The following COL12A1 variants were observed in gnomAD, a reference collection of about 807,000 sequenced individuals.
COL12A1 encodes collagen alpha-1(XII) chain.
In COL12A1, 114 loss-of-function variants were observed where a neutral mutation model predicts 349.7. The observed-to-expected ratio is 0.33, with a 90% confidence interval of 0.28 to 0.38. The LOEUF is 0.38. COL12A1 is among the 10% of genes least tolerant of loss of function. COL12A1 has a pLI of 1.00. For missense variants in COL12A1, 3,284 were observed against 3,756.9 expected, an observed-to-expected ratio of 0.87 and a Z score of 3.29; for synonymous variants, 1,369 against 1,329.0, an observed-to-expected ratio of 1.03 and a Z score of -0.66.
chr6:75,193,809 G>A (rs1298833662), intron 3 of COL12A1, among the ~76,000 whole-genome samples: 3 of 149,848 alleles, frequency 2.0e-5, no homozygotes, highest in Non-Finnish European at 4.4e-5. Context: ...TCCCACCTAT[G>A]AGTGAGAACA....
chr6:75,133,679 A>T (rs1766428290), intron 33 of COL12A1, among the ~76,000 whole-genome samples, 179 bp downstream of exon 33: 1 of 152,122 alleles, frequency 6.6e-6, no homozygotes, highest in South Asian at 2.1e-4. Context: ...AATCCTGGCC[A>T]CAATCCCTCT....
intron 2 of COL12A1, among the ~76,000 whole-genome samples, chr6:75,196,551 A>C (rs1319866621): frequency 6.6e-6 from 1 of 152,230 alleles, no homozygotes; most frequent in Non-Finnish European, 1.5e-5. Flanking sequence ...AGGCAGTGAG[A>C]TTAGACTATT....
chr6:75,115,938 G>C lies in COL12A1; in HGVS notation c.7559-16C>G. 1.2e-6 allele frequency: 2 copies of C among 1,611,794 alleles called. No individual in the cohort carries two copies. The highest frequency in any genetic ancestry group is 1.7e-6 in the Non-Finnish European group (2 of 1,179,168). ...ATTTTAAAACCTTTACATCAGAAAAGAAAATATTAAACGGAGTACATTTTA... is the reference window on the plus strand; with the variant it reads ...ATTTTAAAACCTTTACATCAGAAAACAAAATATTAAACGGAGTACATTTTA... On this transcript the variant is annotated splice_polypyrimidine_tract_variant and intron_variant, in intron 48 of 65. Transcript: ENST00000322507.
chr6:75,178,027 A>G, intron 11 of COL12A1, 92 bp from the exon 12 acceptor site: 1 of 1,193,906 alleles, frequency 8.4e-7, no homozygotes, highest in South Asian at 1.5e-5. Context: ...ACTAAATTAT[A>G]CCATTTCTCT....
At chr6:75,181,592 T>C (rs1769295676) in intron 10 of COL12A1, among the ~76,000 whole-genome samples, 1 of 152,230 alleles carries the variant, frequency 6.6e-6, no homozygotes, top group Non-Finnish European at 1.5e-5. Flanking sequence ...TCCCTGGTAC[T>C]TGGATATTAA....
intron 27 of COL12A1, among the ~76,000 whole-genome samples, chr6:75,139,601 C>G (rs1766793671): frequency 6.6e-6 from 1 of 152,232 alleles, no homozygotes; most frequent in Non-Finnish European, 1.5e-5. Flanking sequence ...TTAGAACATA[C>G]ATACATACTG....
chr6:75,192,866 A>G (rs969464883), intron 3 of COL12A1, among the ~76,000 whole-genome samples: 1 of 152,118 alleles, frequency 6.6e-6, no homozygotes, highest in African/African-American at 2.4e-5. Flanking sequence ...AAATGGCTAC[A>G]TGCCTTAATG....
At position 75,106,439 on chromosome 6, in the gene COL12A1, A is replaced by G; in HGVS notation, c.8158T>C (p.Cys2720Arg). Residue 2720 changes from cysteine to arginine, a missense_variant, in exon 53 of 66, where the codon TGC becomes CGC. Physicochemically the swap from Cys to Arg is radical, Grantham distance 180. This residue lies in a region of COL12A1 where 683 missense variants were observed against 932.1 expected (regional missense o/e 0.73). Coordinates refer to ENST00000322507, the MANE Select transcript of COL12A1 (RefSeq NM_004370.6). ...CSPVWTSRDR[C>R]CDIPSRRDEG... is the part of the protein sequence containing the mutation. ...CTTACCCTAGAGGGAATATCACAGCATCTGTCTCTACTGGTCCACACTGGA... is the reference window on the plus strand; with the variant it reads ...CTTACCCTAGAGGGAATATCACAGCGTCTGTCTCTACTGGTCCACACTGGA... 6.2e-7 allele frequency: 1 copy of G among 1,613,912 alleles called. No individual in the cohort carries two copies. The highest frequency in any genetic ancestry group is 8.5e-7 in the Non-Finnish European group (1 of 1,179,840).
chr6:75,113,874 G>T (rs966788370), intron 49 of COL12A1, 130 bp from the exon 50 acceptor site: 4 of 647,426 alleles, frequency 6.2e-6, no homozygotes, highest in Non-Finnish European at 9.4e-6. Context: ...CATATGGGTA[G>T]TATTAGAGGC....
At position 75,137,472 on chromosome 6, in the gene COL12A1, A is replaced by C; in HGVS notation, c.5359T>G (p.Tyr1787Asp). The part of the protein sequence containing the change: ...SGRVQKYRIT[Y>D]QPSTGEGNEQ... ...TTGCCTTCCCCTGTGGAAGGCTGATAAGTGATCCTATATTTCTGCACACGA... is the reference window on the plus strand; with the variant it reads ...TTGCCTTCCCCTGTGGAAGGCTGATCAGTGATCCTATATTTCTGCACACGA... The change falls in exon 31 of 66, where the codon TAT becomes GAT. Residue 1787 changes from tyrosine to aspartate, a missense_variant. Transcript: ENST00000322507. The C allele has an allele frequency of 6.2e-7, 1 of 1,613,328 alleles. No homozygotes were observed. Among genetic ancestry groups the C allele is most frequent in the Non-Finnish European group, 8.5e-7 (1 of 1,179,656 alleles).
rs373978519 is a variant in COL12A1, at chr6:75,134,784, G to C, written c.5466C>G (p.Thr1822=). 1.2e-6 allele frequency: 2 copies of C among 1,613,204 alleles called. No homozygotes were observed. Among genetic ancestry groups the C allele is most frequent in the South Asian group, 1.1e-5 (1 of 90,974 alleles). ...KLKPDTPYTI[T]VSSLYPDGEG... The stretch of plus-strand genomic sequence containing the variant: ...CACCATCAGGATACAGAGAGGATAC[G>C]GTGATAGTGTAAGGAGTGTCTGGCT... The change falls in exon 32 of 66, where the codon ACC becomes ACG. Residue 1822 remains threonine (T), a synonymous_variant. Coordinates refer to ENST00000322507, the MANE Select transcript of COL12A1 (RefSeq NM_004370.6).
In COL12A1 at chr6:75,097,268, G is replaced by T. The variant is rs559357342; in HGVS notation, c.8562C>A (p.Gly2854=). ...TGKDGAMGPR[G]PPGPPGSPGS... is the part of the protein sequence containing the mutation. ...TAGTTCTTACCGGCGGCCCTGGTGG[G>T]CCCCTGGGTCCCATTGCACCGTCTT... Residue 2854 remains glycine, a synonymous_variant, in exon 59 of 66, where the codon GGC becomes GGA. Coordinates refer to ENST00000322507, the MANE Select transcript of COL12A1 (RefSeq NM_004370.6). 3.7e-6 allele frequency: 6 copies of T among 1,613,766 alleles called. No homozygotes were observed. Among genetic ancestry groups the T allele is most frequent in the South Asian group, 1.1e-5 (1 of 91,010 alleles).
chr6:75,167,834 A>G (rs1768388677), intron 13 of COL12A1, among the ~76,000 whole-genome samples: 1 of 152,230 alleles, frequency 6.6e-6, no homozygotes, highest in African/African-American at 2.4e-5. Flanking sequence ...GTAAAATGCA[A>G]TGAAGACCTT....
At chr6:75,116,087 T>C in intron 47 of COL12A1, 30 bp from the exon 48 acceptor site, 1 of 1,608,466 alleles carries the variant, frequency 6.2e-7, no homozygotes, top group Non-Finnish European at 8.5e-7. Flanking sequence ...TTAAGTATGA[T>C]TCACCAACAC....
intron 26 of COL12A1, 91 bp from the exon 27 acceptor site, chr6:75,142,252 T>C: frequency 6.9e-7 from 1 of 1,447,584 alleles, no homozygotes; most frequent in Non-Finnish European, 9.5e-7. Context: ...AGCGTAAGAA[T>C]ATAAAATTGT....
intron 32 of COL12A1, 32 bp downstream of exon 32, chr6:75,134,694 A>G (rs1268112635): frequency 1.9e-6 from 3 of 1,547,038 alleles, no homozygotes; most frequent in Non-Finnish European, 2.6e-6. Flanking sequence ...AGTAGCTATT[A>G]AAGAAGCTAT....
At chr6:75,202,674 T>A (rs1434333509) in intron 2 of COL12A1, 46 bp downstream of exon 2, 1 of 1,525,954 alleles carries the variant, frequency 6.6e-7, no homozygotes, top group South Asian at 1.2e-5. Flanking sequence ...TTTTCCTTTC[T>A]CGAATTTTGC....
chr6:75,190,210 A>G (rs987964277), intron 5 of COL12A1, among the ~76,000 whole-genome samples: 2 of 151,994 alleles, frequency 1.3e-5, no homozygotes, highest in African/African-American at 4.8e-5. Flanking sequence ...GTCATACAAA[A>G]GAAATATAAG....
rs1160421791 is a variant in COL12A1 at position 75,106,899 on chromosome 6, C to CT, written c.8101-404dup. ...CTTTTTTTTTTTCTTTTTTCTTTTTCTTTTTTTTTTTTTTTTTTTTGAGAC... is the reference window on the plus strand; with the variant it reads ...CTTTTTTTTTTTCTTTTTTCTTTTTCTTTTTTTTTTTTTTTTTTTTTGAGAC... On this transcript the variant is annotated intron_variant, in intron 52 of 65. Transcript: ENST00000322507. 8.2e-3 allele frequency among the ~76,000 whole-genome samples: 345 copies of CT among 41,952 alleles called. 5 individuals carry two copies. The highest frequency in any genetic ancestry group is 0.036 in the East Asian group (52 of 1,452). 27.5% of individuals were successfully genotyped at this position (41,952 alleles called of 152,430 possible).
Sources: allele counts gnomAD v4.1 joint callset (sites outside exome capture counted in the v4.1 genomes callset), GRCh38; gene constraint gnomAD v4.1.1; regional missense constraint gnomAD v4.1.1; transcripts MANE v1.5; gene names NCBI Gene and HGNC (gene_info 2026-07-23, HGNC 2026-07-21).